The following NLRP5 variants were observed in gnomAD, a reference collection of about 807,000 sequenced individuals.
NLRP5 encodes NACHT, LRR and PYD domains-containing protein 5.
In NLRP5, 93 loss-of-function variants were observed where a neutral mutation model predicts 113.1. The observed-to-expected ratio is 0.82, with a 90% CI of 0.70 to 0.98. The LOEUF is 0.98. NLRP5 is among the 50% of genes least tolerant of loss of function. NLRP5 has a pLI of 0.00. For synonymous variants in NLRP5, 751 were observed against 600.7 expected (o/e 1.25, Z -3.66); for missense variants, 1,808 against 1,514.3 (o/e 1.19, Z -3.22).
At chr19:55,987,368 T>C in the NLRP5 span, among the ~76,000 whole-genome samples, 2 of 152,230 alleles carry the variant, frequency 1.3e-5, no homozygotes, top group Admixed American at 1.3e-4. Context: ...AGACTTCGTC[T>C]CAAGTAAAAA....
chr19:56,061,310 C>A, intron 14 of NLRP5, 86 bp from the exon 15 acceptor site: 3 of 1,473,120 alleles, frequency 2.0e-6, no homozygotes, highest in South Asian at 1.3e-5. Context: ...GGTTTGAGAT[C>A]CTTGATGAGG....
chr19:56,029,809 C>A (rs1278886447), intron 7 of NLRP5, among the ~76,000 whole-genome samples: 2 of 151,848 alleles, frequency 1.3e-5, no homozygotes. Flanking sequence ...GTAATCCCAG[C>A]ACTTTGGGAG....
chr19:55,993,239 ACT>A, the NLRP5 span, among the ~76,000 whole-genome samples: 6 of 150,980 alleles, frequency 4.0e-5, no homozygotes, highest in East Asian at 7.9e-4. Context: ...TGTTGTGAAC[ACT>A]CTGTCCTCCC....
intron 3 of NLRP5, among the ~76,000 whole-genome samples, chr19:56,009,578 C>T (rs868621764): frequency 1.4e-4 from 21 of 151,998 alleles, no homozygotes; most frequent in African/African-American, 4.3e-4. Flanking sequence ...TACAATACAT[C>T]GTTGGCCAAA....
chr19:56,053,992 C>T (rs540356839), intron 13 of NLRP5, among the ~76,000 whole-genome samples, 184 bp downstream of exon 13: 18 of 152,148 alleles, frequency 1.2e-4, no homozygotes, highest in South Asian at 2.1e-4. Context: ...ATGGATGAGA[C>T]GGATGAAGTG....
intron 14 of NLRP5, among the ~76,000 whole-genome samples, 196 bp downstream of exon 14, chr19:56,058,606 G>T: frequency 6.6e-6 from 1 of 152,214 alleles, no homozygotes; most frequent in East Asian, 1.9e-4. Flanking sequence ...ATAGAGGCCA[G>T]GTGCCTGATA....
At chr19:56,005,675 C>A (rs1204801936) in intron 2 of NLRP5, among the ~76,000 whole-genome samples, 1 of 152,008 alleles carries the variant, frequency 6.6e-6, no homozygotes, top group Non-Finnish European at 1.5e-5. Flanking sequence ...ACATCCGTGA[C>A]CTGGATGCAG....
intron 2 of NLRP5, among the ~76,000 whole-genome samples, chr19:56,006,343 G>T (rs1021658222): frequency 6.6e-6 from 1 of 152,074 alleles, no homozygotes; most frequent in African/African-American, 2.4e-5. Flanking sequence ...GTTAATGGGT[G>T]CAGCACACCA....
At chr19:56,012,900 C>CT (rs11410594) in intron 3 of NLRP5, among the ~76,000 whole-genome samples, 5,773 of 152,154 alleles carry the variant, frequency 0.038, 130 homozygotes, top group East Asian at 0.07. Context: ...ACTTTCCTTG[C>CT]TTTTTTAAAG....
At chr19:56,022,376 A>T (rs1982647704) in intron 6 of NLRP5, among the ~76,000 whole-genome samples, 3 of 150,238 alleles carry the variant, frequency 2.0e-5, no homozygotes, top group Non-Finnish European at 4.4e-5. Flanking sequence ...ATGCTACAAC[A>T]TCTGGCTAAT....
intron 6 of NLRP5, among the ~76,000 whole-genome samples, chr19:56,026,170 A>G (rs1320709225): frequency 1.3e-5 from 2 of 152,070 alleles, no homozygotes; most frequent in African/African-American, 2.4e-5. Flanking sequence ...CCATGTCTGG[A>G]GGCTGACTCA....
At chr19:56,032,916 C>G in intron 8 of NLRP5, 135 bp downstream of exon 8, 1 of 858,590 alleles carries the variant, frequency 1.2e-6, no homozygotes. Flanking sequence ...GTGTAGGAAC[C>G]AAGTTCCCAA....
At chr19:56,018,899 C>T (rs1982506645) in intron 4 of NLRP5, among the ~76,000 whole-genome samples, 1 of 152,106 alleles carries the variant, frequency 6.6e-6, no homozygotes, top group Non-Finnish European at 1.5e-5. Flanking sequence ...GTTCAAGTTA[C>T]TCTCCTGCTT....
chr19:56,033,293 C>A (rs1460785866), intron 8 of NLRP5, among the ~76,000 whole-genome samples: 1 of 152,130 alleles, frequency 6.6e-6, no homozygotes, highest in Non-Finnish European at 1.5e-5. Flanking sequence ...GTTACTGAAG[C>A]AGGCTCCTTG....
chr19:56,016,300 T>C (rs1271101660), intron 4 of NLRP5, among the ~76,000 whole-genome samples: 2 of 152,058 alleles, frequency 1.3e-5, no homozygotes, highest in African/African-American at 4.8e-5. Context: ...GCTACAGGCA[T>C]GCACCACCAC....
At chr19:55,999,586 G>A (rs751656093), upstream of NLRP5, 5 of 695,266 alleles carry the variant, frequency 7.2e-6, no homozygotes, top group Non-Finnish European at 1.3e-5. Context: ...TGCATGCTCT[G>A]TGCCAGCCCT....
At chr19:56,056,396 A>G (rs948288633) in intron 13 of NLRP5, among the ~76,000 whole-genome samples, 10 of 152,062 alleles carry the variant, frequency 6.6e-5, no homozygotes, top group African/African-American at 2.4e-4. Flanking sequence ...ATCTCTACTA[A>G]AAATATAAAA....
chr19:56,003,916 C>T lies in NLRP5; in HGVS notation c.263C>T (p.Ser88Phe), dbSNP rs1362926740. ...TTCAAGGAATTACTAAAGAAGAAATCTTCAGAATCGACCACATGCTCTATT... is the reference window on the plus strand; with the variant it reads ...TTCAAGGAATTACTAAAGAAGAAATTTTCAGAATCGACCACATGCTCTATT... Residue 88 changes from serine to phenylalanine, a missense_variant, in exon 2 of 15, where the codon TCT becomes TTT. By Grantham distance (155) the Ser-to-Phe change is radical. Coordinates refer to ENST00000390649, the MANE Select transcript of NLRP5 (RefSeq NM_153447.4). 4 of 1,613,868 alleles carry T rather than the reference C, an allele frequency of 2.5e-6. No individual in the cohort carries two copies. The highest frequency in any genetic ancestry group is 3.4e-6 in the Non-Finnish European group (4 of 1,179,890).
At chr19:56,036,388 G>T (rs558722148) in intron 9 of NLRP5, among the ~76,000 whole-genome samples, 1 of 151,924 alleles carries the variant, frequency 6.6e-6, no homozygotes, top group Non-Finnish European at 1.5e-5. Flanking sequence ...ATTCAATAAC[G>T]ACAGATGCTT....
Sources: gnomAD v4.1 joint callset for allele counts (sites outside exome capture counted in the v4.1 genomes callset) on GRCh38, gnomAD v4.1.1 for gene constraint, MANE v1.5 for transcripts, NCBI Gene and HGNC (gene_info 2026-07-23, HGNC 2026-07-21) for gene names.